NOS1AP: variants seen among roughly 807,000 people sequenced by gnomAD.
The protein encoded by NOS1AP is nitric oxide synthase 1 adaptor protein.
A neutral mutation model predicts 56.2 loss-of-function variants in NOS1AP; 21 were observed. The ratio of observed to expected loss-of-function variants is 0.37; its 90% CI spans 0.26 to 0.54. NOS1AP has a LOEUF of 0.54. Among genes scored for constraint, NOS1AP ranks in the 20% least tolerant of loss-of-function variants. NOS1AP has a pLI of 0.84. For missense variants in NOS1AP, 522 were observed against 657.8 expected, an observed-to-expected ratio of 0.79 and a Z score of 2.26; for synonymous variants, 270 against 274.6, an observed-to-expected ratio of 0.98 and a Z score of 0.17.
rs192823893 is a variant in NOS1AP at position 162,089,235 on chromosome 1, T to C, written c.105+18953T>C. On this transcript the variant is annotated intron_variant, in intron 1 of 9. Coordinates refer to ENST00000361897, the MANE Select transcript of NOS1AP (RefSeq NM_014697.3). ...TGTGTGTTCATACTGATATTTCCAA[T>C]ATCTTAACTACTTCTGTATTTCATC... 1.1e-4 allele frequency among the ~76,000 whole-genome samples: 17 copies of C among 152,328 alleles called. No individual in the cohort carries two copies. In the East Asian group the frequency reaches 3.1e-3, roughly 28 times the overall value.
intron 2 of NOS1AP, among the ~76,000 whole-genome samples, chr1:162,182,254 G>A (rs1218985520): frequency 2.0e-5 from 3 of 152,124 alleles, no homozygotes. Context: ...TAATGTCATT[G>A]AACCTTATAA....
At chr1:162,192,230 C>G (rs1217132281) in intron 2 of NOS1AP, among the ~76,000 whole-genome samples, 1 of 152,182 alleles carries the variant, frequency 6.6e-6, no homozygotes, top group African/African-American at 2.4e-5. Flanking sequence ...TGTGCTCAAG[C>G]TTGACAACTG....
At chr1:162,141,482 A>G (rs775611168) in intron 1 of NOS1AP, among the ~76,000 whole-genome samples, 6 of 152,210 alleles carry the variant, frequency 3.9e-5, no homozygotes, top group African/African-American at 7.2e-5. Context: ...TTGGAGTAAA[A>G]CAAGATGTGG....
intron 9 of NOS1AP, 89 bp from the exon 10 acceptor site, chr1:162,366,963 G>T: frequency 6.7e-7 from 1 of 1,497,068 alleles, no homozygotes; most frequent in Non-Finnish European, 9.3e-7. Flanking sequence ...GAAGGGCTTT[G>T]GCAGGGCACG....
intron 2 of NOS1AP, among the ~76,000 whole-genome samples, chr1:162,204,985 C>T (rs1223841316): frequency 6.6e-6 from 1 of 152,186 alleles, no homozygotes; most frequent in Non-Finnish European, 1.5e-5. Context: ...GTTCTCTGCA[C>T]ACCAGATATT....
intron 1 of NOS1AP, among the ~76,000 whole-genome samples, chr1:162,081,397 A>G (rs1358032749): frequency 6.6e-6 from 1 of 152,060 alleles, no homozygotes; most frequent in African/African-American, 2.4e-5. Context: ...GAGTAGGTGG[A>G]AATGCTGGAG....
intron 2 of NOS1AP, among the ~76,000 whole-genome samples, chr1:162,241,419 G>A (rs2101681286): frequency 6.6e-6 from 1 of 152,296 alleles, no homozygotes; most frequent in African/African-American, 2.4e-5. Flanking sequence ...AGAGCATGGA[G>A]TTCAGAGGAG....
chr1:162,123,532 T>C (rs1164509529), intron 1 of NOS1AP, among the ~76,000 whole-genome samples: 1 of 152,208 alleles, frequency 6.6e-6, no homozygotes, highest in Non-Finnish European at 1.5e-5. Flanking sequence ...TTAAAATTAG[T>C]TTTTGGATAA....
chr1:162,260,478 C>T (rs534214570), intron 2 of NOS1AP, among the ~76,000 whole-genome samples: 2 of 152,274 alleles, frequency 1.3e-5, no homozygotes, highest in African/African-American at 4.8e-5. Context: ...ATGTAATATA[C>T]AGACATTACT....
intron 4 of NOS1AP, among the ~76,000 whole-genome samples, chr1:162,328,844 C>T (rs548088186): frequency 6.6e-6 from 1 of 152,334 alleles, no homozygotes. Context: ...AATTGCCTAT[C>T]AGTGATGAAT....
In NOS1AP at chr1:162,355,300, G is replaced by A; in HGVS notation, c.709G>A (p.Val237Met). The change falls in exon 7 of 10, where the codon GTG becomes ATG. Residue 237 changes from valine (V) to methionine (M), a missense_variant. Coordinates refer to ENST00000361897, the MANE Select transcript of NOS1AP (RefSeq NM_014697.3). ...TGATGTCCTGGAATTCAGCCGAGGT[G>A]TGACTGATCTAGATGCTGTAGGGAA... The part of the protein sequence containing the change: ...GNDVLEFSRG[V>M]TDLDAVGKEG... The A allele has an allele frequency of 6.2e-7, 1 of 1,614,176 alleles. No homozygotes were observed. Among genetic ancestry groups the A allele is most frequent in the Non-Finnish European group, 8.5e-7 (1 of 1,180,046 alleles).
chr1:162,181,327 T>C (rs1651249022), intron 2 of NOS1AP, among the ~76,000 whole-genome samples: 1 of 152,200 alleles, frequency 6.6e-6, no homozygotes, highest in African/African-American at 2.4e-5. Context: ...TGTATAGTAA[T>C]GTCATGAAAG....
At chr1:162,302,467 A>G (rs1173785109) in intron 4 of NOS1AP, among the ~76,000 whole-genome samples, 1 of 152,166 alleles carries the variant, frequency 6.6e-6, no homozygotes, top group African/African-American at 2.4e-5. Context: ...GGCACCTATG[A>G]TATGCATTTT....
At chr1:162,307,013 AG>A (rs1428259222) in intron 4 of NOS1AP, among the ~76,000 whole-genome samples, 4 of 152,018 alleles carry the variant, frequency 2.6e-5, no homozygotes. Context: ...GCTGTTGAAT[AG>A]AACAGTGGTA....
At chr1:162,171,920 A>G (rs1650801959) in intron 2 of NOS1AP, among the ~76,000 whole-genome samples, 1 of 152,242 alleles carries the variant, frequency 6.6e-6, no homozygotes, top group South Asian at 2.1e-4. Flanking sequence ...TTTAGGCCAT[A>G]TATTTCCTCC....
At chr1:162,152,986 G>A (rs1222216219) in intron 1 of NOS1AP, among the ~76,000 whole-genome samples, 1 of 152,120 alleles carries the variant, frequency 6.6e-6, no homozygotes, top group East Asian at 1.9e-4. Context: ...AATAAGGAAA[G>A]GCAAGTCCCA....
intron 2 of NOS1AP, among the ~76,000 whole-genome samples, chr1:162,171,935 G>A (rs1378188096): frequency 6.6e-6 from 1 of 152,060 alleles, no homozygotes; most frequent in Admixed American, 6.5e-5. Context: ...TCCTCCTTAA[G>A]CCACCTTAAC....
rs547770128 is a variant in NOS1AP at position 162,089,870 on chromosome 1, C to T, written c.105+19588C>T. ...GATTTAGGCCCAGTGAAACTGACTT[C>T]GGACTTCTGTTCACCAGAGTTATAA... On this transcript the variant is annotated intron_variant, in intron 1 of 9. Transcript: ENST00000361897. 7.9e-5 allele frequency among the ~76,000 whole-genome samples: 12 copies of T among 152,346 alleles called. No homozygotes were observed. The East Asian group carries it at 1.9e-3, about 25-fold the overall frequency.
At chr1:162,086,820 T>C (rs376883399) in intron 1 of NOS1AP, among the ~76,000 whole-genome samples, 3 of 152,324 alleles carry the variant, frequency 2.0e-5, no homozygotes, top group African/African-American at 7.2e-5. Context: ...AAGAGGTTTA[T>C]GGTGTGGGTC....
Sources: allele counts gnomAD v4.1 joint callset (sites outside exome capture counted in the v4.1 genomes callset), GRCh38; gene constraint gnomAD v4.1.1; transcripts MANE v1.5; gene names NCBI Gene and HGNC (gene_info 2026-07-23, HGNC 2026-07-21).